Variants in ADGRL3 observed in about 807,000 individuals in gnomAD.
ADGRL3 encodes the protein calcium-independent alpha-latrotoxin receptor 3.
Under a neutral mutation model 153.5 loss-of-function variants are expected in ADGRL3, and 62 were observed. That is an observed-to-expected ratio of 0.40 (90% CI 0.33 to 0.50). The LOEUF is 0.50. ADGRL3 is among the 20% of genes least tolerant of loss of function. ADGRL3 has a pLI of 0.47. For missense variants in ADGRL3, 1,641 were observed against 1,859.4 expected, an observed-to-expected ratio of 0.88 and a Z score of 2.16; for synonymous variants, 710 against 672.5, an observed-to-expected ratio of 1.06 and a Z score of -0.86.
At chr4:61,398,430 C>CT (rs5858698) in intron 2 of ADGRL3, among the ~76,000 whole-genome samples, 19 of 149,388 alleles carry the variant, frequency 1.3e-4, no homozygotes, top group East Asian at 5.9e-4. Flanking sequence ...GATCAGTTAT[C>CT]TTTTTTTTTT....
chr4:61,621,448 G>C (rs528170593), intron 5 of ADGRL3, among the ~76,000 whole-genome samples: 1 of 152,138 alleles, frequency 6.6e-6, no homozygotes, highest in African/African-American at 2.4e-5. Flanking sequence ...AGTGTTTAGA[G>C]TTGTTGGAGA....
At position 61,817,160 on chromosome 4, in the gene ADGRL3, C is replaced by A. The variant is rs1055013841; in HGVS notation, c.1480+3271C>A. Among the ~76,000 whole-genome samples the A allele has an allele frequency of 2.5e-4, 37 of 149,794 alleles. 1 individual carries two copies. The highest frequency in any genetic ancestry group is 4.0e-4 in the Non-Finnish European group (27 of 66,948). On this transcript the variant is annotated intron_variant, in intron 9 of 26. Transcript: ENST00000683033. ...GCACAGGTCTGCAGACCCCCCCCCC[C>A]CCACCAAGGCATGAAAACCCTGGGC...
chr4:61,748,370 A>G (rs1194571763), intron 8 of ADGRL3, among the ~76,000 whole-genome samples: 1 of 151,910 alleles, frequency 6.6e-6, no homozygotes, highest in Non-Finnish European at 1.5e-5. Context: ...TTTAAAGTTC[A>G]TATGGAACCA....
At chr4:61,336,429 G>A (rs1056327092) in intron 1 of ADGRL3, among the ~76,000 whole-genome samples, 1 of 152,160 alleles carries the variant, frequency 6.6e-6, no homozygotes, top group Non-Finnish European at 1.5e-5. Context: ...GGTCTGTGAA[G>A]CTAAGTCTCT....
chr4:61,568,322 A>G (rs1382644452), intron 4 of ADGRL3, among the ~76,000 whole-genome samples: 1 of 152,154 alleles, frequency 6.6e-6, no homozygotes, highest in African/African-American at 2.4e-5. Flanking sequence ...ACTACTCTCC[A>G]ACTGTCTCTC....
chr4:61,835,324 G>A, intron 9 of ADGRL3, among the ~76,000 whole-genome samples: 1 of 98,874 alleles, frequency 1.0e-5, no homozygotes, highest in African/African-American at 4.2e-5. Context: ...TGTGCATTAA[G>A]AGTGGCAAGA....
intron 1 of ADGRL3, among the ~76,000 whole-genome samples, chr4:61,374,441 T>C (rs911488460): frequency 6.6e-6 from 1 of 152,200 alleles, no homozygotes; most frequent in African/African-American, 2.4e-5. Flanking sequence ...AAACATGTTT[T>C]CTGATTCAGG....
At chr4:61,837,137 A>G (rs895645271) in intron 9 of ADGRL3, among the ~76,000 whole-genome samples, 1 of 152,156 alleles carries the variant, frequency 6.6e-6, no homozygotes, top group Non-Finnish European at 1.5e-5. Flanking sequence ...GGACTCTGGA[A>G]TAGATTCTAA....
intron 4 of ADGRL3, among the ~76,000 whole-genome samples, chr4:61,553,455 CACAA>C (rs947660127): frequency 3.3e-5 from 5 of 152,140 alleles, no homozygotes; most frequent in African/African-American, 1.2e-4. Context: ...ATTATTCTCT[CACAA>C]ACATACAATA....
intron 6 of ADGRL3, among the ~76,000 whole-genome samples, chr4:61,690,890 A>G (rs865776252): frequency 6.6e-6 from 1 of 152,138 alleles, no homozygotes; most frequent in East Asian, 1.9e-4. Context: ...GCCTGCTTAG[A>G]AAAGAATATG....
chr4:61,253,768 A>G (rs776715655), intron 1 of ADGRL3, among the ~76,000 whole-genome samples: 2 of 152,082 alleles, frequency 1.3e-5, no homozygotes, highest in Non-Finnish European at 2.9e-5. Context: ...AATCAATACC[A>G]TTTGTATTAC....
At chr4:61,241,064 GTA>G (rs1419381935) in intron 1 of ADGRL3, among the ~76,000 whole-genome samples, 1 of 151,894 alleles carries the variant, frequency 6.6e-6, no homozygotes, top group Non-Finnish European at 1.5e-5. Flanking sequence ...AAAACTGTGT[GTA>G]TATATATGTA....
At chr4:61,463,903 T>C (rs1312366824) in intron 2 of ADGRL3, among the ~76,000 whole-genome samples, 1 of 152,158 alleles carries the variant, frequency 6.6e-6, no homozygotes, top group African/African-American at 2.4e-5. Context: ...GAAGGTGTGT[T>C]TGTGCATTTT....
At chr4:62,046,401 C>T (rs1731151864) in intron 25 of ADGRL3, among the ~76,000 whole-genome samples, 2 of 151,798 alleles carry the variant, frequency 1.3e-5, no homozygotes, top group Non-Finnish European at 2.9e-5. Flanking sequence ...CACTATATAA[C>T]GCTACTAGTT....
At position 61,499,833 on chromosome 4, in the gene ADGRL3, A is replaced by G. The variant is rs568669929; in HGVS notation, c.55+2485A>G. On this transcript the variant is annotated intron_variant, in intron 3 of 26. Transcript: ENST00000683033. ...TAGGTTAAAAATAGCAGAAACAGACATTGTAAGAAAGATTCCTTTTTCAGA... is the reference window on the plus strand; with the variant it reads ...TAGGTTAAAAATAGCAGAAACAGACGTTGTAAGAAAGATTCCTTTTTCAGA... Among the ~76,000 whole-genome samples, 29 of 152,286 alleles carry G rather than the reference A, an allele frequency of 1.9e-4. 1 individual carries two copies. The South Asian group carries it at 5.8e-3, about 30-fold the overall frequency.
intron 3 of ADGRL3, among the ~76,000 whole-genome samples, chr4:61,502,021 A>C (rs2098391831): frequency 6.6e-6 from 1 of 152,228 alleles, no homozygotes; most frequent in African/African-American, 2.4e-5. Context: ...CAGCTGAAGC[A>C]GATGGCCAGT....
At chr4:61,341,503 G>T (rs2095807064) in intron 1 of ADGRL3, among the ~76,000 whole-genome samples, 1 of 150,272 alleles carries the variant, frequency 6.7e-6, no homozygotes, top group Non-Finnish European at 1.5e-5. Flanking sequence ...GTCATATATG[G>T]GGCATCATAT....
intron 1 of ADGRL3, among the ~76,000 whole-genome samples, chr4:61,291,618 A>ATATG: frequency 2.6e-5 from 1 of 38,876 alleles, no homozygotes; most frequent in African/African-American, 6.5e-5. Context: ...ACACATATAT[A>ATATG]TATATATAAA....
chr4:61,894,535 A>G (rs1468368192), intron 10 of ADGRL3, among the ~76,000 whole-genome samples: 1 of 152,148 alleles, frequency 6.6e-6, no homozygotes, highest in Non-Finnish European at 1.5e-5. Flanking sequence ...TAAAAGAAAA[A>G]TAATAATAGC....
Sources: allele counts gnomAD v4.1 joint callset (sites outside exome capture counted in the v4.1 genomes callset), GRCh38; gene constraint gnomAD v4.1.1; transcripts MANE v1.5; gene names NCBI Gene and HGNC (gene_info 2026-07-23, HGNC 2026-07-21).